Variants in RAPGEF5 observed in about 807,000 individuals in gnomAD.
The protein encoded by RAPGEF5 is Rap guanine nucleotide exchange factor 5, also known as M-Ras-regulated GEF.
A neutral mutation model predicts 125.2 loss-of-function variants in RAPGEF5; 65 were observed. The ratio of observed to expected loss-of-function variants is 0.52; its 90% CI spans 0.43 to 0.64. RAPGEF5 has a LOEUF of 0.64. Among genes scored for constraint, RAPGEF5 ranks in the 30% least tolerant of loss-of-function variants. The pLI, the probability that RAPGEF5 is intolerant of heterozygous loss-of-function variation, is 0.00. For missense variants in RAPGEF5, 958 were observed against 1,048.1 expected (o/e 0.91, Z 1.19); for synonymous variants, 391 against 385.9 (o/e 1.01, Z -0.16).
At chr7:22,356,153 C>A in intron 1 of RAPGEF5, 2 of 985,356 alleles carry the variant, frequency 2.0e-6, no homozygotes, top group Non-Finnish European at 2.4e-6. Flanking sequence ...TCATTAGATG[C>A]ACTTAGAACT....
At chr7:22,297,662 G>C (rs562521861) in intron 5 of RAPGEF5, among the ~76,000 whole-genome samples, 30 of 152,354 alleles carry the variant, frequency 2.0e-4, no homozygotes, top group Non-Finnish European at 3.8e-4. Context: ...GCTGAAGAGA[G>C]AGGAAGTATT....
intron 11 of RAPGEF5, among the ~76,000 whole-genome samples, chr7:22,168,476 G>A (rs1213135509): frequency 6.6e-6 from 1 of 152,164 alleles, no homozygotes; most frequent in Admixed American, 6.5e-5. Flanking sequence ...AGCTTGAGCT[G>A]ACTAAGACAT....
At chr7:22,199,533 A>AAG (rs1785229235) in intron 9 of RAPGEF5, among the ~76,000 whole-genome samples, 1 of 6,052 alleles carries the variant, frequency 1.7e-4, no homozygotes, top group South Asian at 3.3e-3. Context: ...TTAAAATTGA[A>AAG]AAAAAAAAAA....
intron 7 of RAPGEF5, among the ~76,000 whole-genome samples, chr7:22,250,629 G>C (rs1001178017): frequency 6.6e-6 from 1 of 151,896 alleles, no homozygotes. Context: ...GCTCTTACTT[G>C]TCAATACAAA....
At chr7:22,123,535 T>C (rs954223169) in intron 25 of RAPGEF5, among the ~76,000 whole-genome samples, 6 of 152,228 alleles carry the variant, frequency 3.9e-5, no homozygotes, top group South Asian at 2.1e-4. Context: ...CATTTTCTTA[T>C]AGCATTTTTT....
intron 11 of RAPGEF5, among the ~76,000 whole-genome samples, chr7:22,171,350 A>G (rs187630130): frequency 6.6e-6 from 1 of 152,374 alleles, no homozygotes; most frequent in African/African-American, 2.4e-5. Flanking sequence ...ATGTTTGTAT[A>G]CATAAAAGTA....
intron 24 of RAPGEF5, among the ~76,000 whole-genome samples, chr7:22,128,841 C>G (rs2128098868): frequency 6.6e-6 from 1 of 152,266 alleles, no homozygotes; most frequent in Non-Finnish European, 1.5e-5. Flanking sequence ...GAACTGCACC[C>G]ATTTCTTCAT....
intron 3 of RAPGEF5, among the ~76,000 whole-genome samples, chr7:22,314,912 A>G (rs955020864): frequency 6.6e-6 from 1 of 152,108 alleles, no homozygotes; most frequent in African/African-American, 2.4e-5. Context: ...TGCCATCCCT[A>G]TGCCAACCTG....
chr7:22,318,262 A>C (rs2128155182), intron 1 of RAPGEF5, among the ~76,000 whole-genome samples: 1 of 152,310 alleles, frequency 6.6e-6, no homozygotes, highest in East Asian at 1.9e-4. Flanking sequence ...ATTCCACTTC[A>C]ATGGCTCCCA....
intron 1 of RAPGEF5, among the ~76,000 whole-genome samples, chr7:22,319,692 T>C (rs1338671200): frequency 6.6e-6 from 1 of 152,228 alleles, no homozygotes; most frequent in Non-Finnish European, 1.5e-5. Flanking sequence ...TGAATCATCA[T>C]AATTTATTTT....
intron 1 of RAPGEF5, among the ~76,000 whole-genome samples, chr7:22,338,612 C>A (rs907495821): frequency 6.6e-6 from 1 of 152,180 alleles, no homozygotes; most frequent in Non-Finnish European, 1.5e-5. Flanking sequence ...TCCTTCAAGA[C>A]TCCTGGGAGG....
intron 23 of RAPGEF5, among the ~76,000 whole-genome samples, chr7:22,132,421 C>T (rs1398329094): frequency 5.3e-5 from 8 of 151,134 alleles, no homozygotes; most frequent in Non-Finnish European, 7.4e-5. Flanking sequence ...AGTAGGAAAA[C>T]GATTCACAAC....
intron 9 of RAPGEF5, among the ~76,000 whole-genome samples, chr7:22,195,738 G>A (rs1785133821): frequency 6.6e-6 from 1 of 151,822 alleles, no homozygotes; most frequent in Non-Finnish European, 1.5e-5. Context: ...CCCAAAAAAC[G>A]AAAAACAAAA....
At chr7:22,194,525 T>G (rs1050471207) in intron 9 of RAPGEF5, 1 of 906,132 alleles carries the variant, frequency 1.1e-6, no homozygotes, top group Non-Finnish European at 1.3e-6. Context: ...TCATTTACTT[T>G]ACACCCTTAC....
chr7:22,172,843 C>A (rs536549734), intron 11 of RAPGEF5, among the ~76,000 whole-genome samples: 1 of 152,298 alleles, frequency 6.6e-6, no homozygotes, highest in African/African-American at 2.4e-5. Flanking sequence ...TTTTTCAACA[C>A]TCATAAGCAA....
chr7:22,118,768 G>A lies in RAPGEF5; in HGVS notation c.*3638C>T, dbSNP rs7301. ...TCATCCCAGTATTTAATAACAGTGTGATACGAATACAATAAATAGACTATG... is the reference window on the plus strand; with the variant it reads ...TCATCCCAGTATTTAATAACAGTGTAATACGAATACAATAAATAGACTATG... On this transcript the variant is annotated 3_prime_UTR_variant, in exon 26 of 26. Coordinates refer to ENST00000665637, the MANE Select transcript of RAPGEF5 (RefSeq NM_012294.5). The A allele has an allele frequency of 0.27, 41,504 of 152,404 alleles. 6,816 individuals carry two copies. The highest frequency in any genetic ancestry group is 0.46 in the African/African-American group (19,127 of 41,422). The allele number at this position is 152,404 out of a possible 1,614,324, so 9.4% of individuals were successfully genotyped here.
chr7:22,146,825 G>A (rs755593701), intron 19 of RAPGEF5, 72 bp downstream of exon 19: 16 of 1,508,694 alleles, frequency 1.1e-5, no homozygotes, highest in East Asian at 9.2e-5. Flanking sequence ...ATCACCGCAC[G>A]CATTGATATT....
chr7:22,205,998 AAG>A (rs1339636209), intron 9 of RAPGEF5, among the ~76,000 whole-genome samples: 1 of 152,202 alleles, frequency 6.6e-6, no homozygotes, highest in African/African-American at 2.4e-5. Flanking sequence ...AGAGTGAAAA[AAG>A]AGCTACTCAG....
chr7:22,266,391 C>CT (rs976163859), intron 7 of RAPGEF5, among the ~76,000 whole-genome samples: 63 of 152,206 alleles, frequency 4.1e-4, no homozygotes, highest in African/African-American at 7.9e-4. Context: ...ACAGATTATG[C>CT]TTTTTTCTCC....
Sources: allele counts gnomAD v4.1 joint callset (sites outside exome capture counted in the v4.1 genomes callset), GRCh38; gene constraint gnomAD v4.1.1; transcripts MANE v1.5; gene names NCBI Gene and HGNC (gene_info 2026-07-23, HGNC 2026-07-21).